HECTD4: variants seen among roughly 807,000 people sequenced by gnomAD.
HECTD4 encodes probable E3 ubiquitin-protein ligase HECTD4.
Under a neutral mutation model 471.5 loss-of-function variants are expected in HECTD4, and 114 were observed. The ratio of observed to expected loss-of-function variants is 0.24; its 90% CI spans 0.21 to 0.28. The LOEUF (loss-of-function observed/expected upper bound fraction) is 0.28. HECTD4 is among the 10% of genes least tolerant of loss of function. HECTD4 has a pLI of 1.00. For missense variants in HECTD4, 3,866 were observed against 5,651.5 expected, an observed-to-expected ratio of 0.68 and a Z score of 10.13; for synonymous variants, 2,012 against 2,256.0, an observed-to-expected ratio of 0.89 and a Z score of 3.07.
chr12:112,172,514 G>A lies in HECTD4; in HGVS notation c.11785+157C>T, dbSNP rs561232184. Among the ~76,000 whole-genome samples the A allele has an allele frequency of 7.9e-5, 12 of 152,326 alleles. No homozygotes were observed. The South Asian group carries it at 1.9e-3, about 24-fold the overall frequency. On this transcript the variant is annotated intron_variant, in intron 67 of 75. Transcript: ENST00000682272. ...CTCCCTGCCTTGCCCTCCCTGTTTC[G>A]TCAGCCCACTCTTCCTTGCACACCT...
rs908635909 is a variant in HECTD4, at chr12:112,188,038, G to A, written c.9473-2545C>T. Among the ~76,000 whole-genome samples, 18 of 151,966 alleles carry A rather than the reference G, an allele frequency of 1.2e-4. No homozygotes were observed. The highest frequency in any genetic ancestry group is 4.1e-4 in the African/African-American group (17 of 41,390). ...TCAGTGGTTCATGCCTGTAATCCCAGTACTATGGGAGGCCAAGGCAGGTGG... is the reference window on the plus strand; with the variant it reads ...TCAGTGGTTCATGCCTGTAATCCCAATACTATGGGAGGCCAAGGCAGGTGG... On this transcript the variant is annotated intron_variant, in intron 60 of 75. Coordinates refer to ENST00000682272, the MANE Select transcript of HECTD4 (RefSeq NM_001388303.1). The surrounding 1 kb of genome is among the most constrained non-coding windows in gnomAD (Gnocchi z 4.2).
chr12:112,236,289 A>G (rs1566082702), intron 35 of HECTD4, among the ~76,000 whole-genome samples: 2 of 152,230 alleles, frequency 1.3e-5, no homozygotes, highest in African/African-American at 4.8e-5. Context: ...ATTCTATAAT[A>G]AATGATTGCT....
At chr12:112,208,798 A>G (rs2032670194) in intron 50 of HECTD4, among the ~76,000 whole-genome samples, 168 bp from the exon 51 acceptor site, 1 of 151,684 alleles carries the variant, frequency 6.6e-6, no homozygotes, top group South Asian at 2.1e-4. Context: ...ATTATCTATA[A>G]TTACCCTGAA....
At chr12:112,254,257 A>G in intron 21 of HECTD4, 95 bp from the exon 22 acceptor site, 3 of 1,451,440 alleles carry the variant, frequency 2.1e-6, no homozygotes, top group Non-Finnish European at 1.9e-6. Context: ...TTAAAATACA[A>G]TTATAACCAG....
In HECTD4 at chr12:112,228,598, A is replaced by G. The variant is rs1467349596; in HGVS notation, c.6684+49T>C. On this transcript the variant is annotated intron_variant, in intron 42 of 75. Transcript: ENST00000682272. The surrounding 1 kb of genome is among the most constrained non-coding windows in gnomAD (Gnocchi z 4.9). ...AGCATGTGCATAGACTCATTACAGT[A>G]CAGTTACCATTGGCAGACATTTTAC... 6.6e-7 allele frequency: 1 copy of G among 1,522,792 alleles called. No individual in the cohort carries two copies. Among genetic ancestry groups the G allele is most frequent in the East Asian group, 2.3e-5 (1 of 44,390 alleles). The allele number at this position is 1,522,792 out of a possible 1,614,324, so 94.3% of individuals were successfully genotyped here.
Position 112,164,245 on chromosome 12 carries a change from A to T in HECTD4, c.12565T>A (p.Cys4189Ser), listed in dbSNP as rs1254610078. 6.2e-7 allele frequency: 1 copy of T among 1,613,538 alleles called. No individual in the cohort carries two copies. Among genetic ancestry groups the T allele is most frequent in the Non-Finnish European group, 8.5e-7 (1 of 1,179,802 alleles). Residue 4189 changes from cysteine (C) to serine (S), a missense_variant, in exon 73 of 76, where the codon TGC becomes AGC. Physicochemically the swap from Cys to Ser is moderately radical, Grantham distance 112 (BLOSUM62 -1). Coordinates refer to ENST00000682272, the MANE Select transcript of HECTD4 (RefSeq NM_001388303.1). ...AGGTGCTGGGAGGCGATCTCAGCGC[A>T]CAGGGCCTCCAGCTCGGTCTCATCA... ...INDETELEAL[C>S]AEIASQHLAT...
At chr12:112,279,729 TTG>T (rs2135635968) in intron 8 of HECTD4, among the ~76,000 whole-genome samples, 1 of 152,316 alleles carries the variant, frequency 6.6e-6, no homozygotes, top group East Asian at 1.9e-4. Flanking sequence ...TAGTATTTGT[TTG>T]TGTTTCCCCT....
chr12:112,319,429 A>T lies in HECTD4; in HGVS notation c.491T>A (p.Leu164His). ...TAGCACCTCAGCAGTTATGTTACAG[A>T]GAGAGGGGTCTGTTCTACTCTGGGA... is the stretch of plus-strand genomic sequence containing the variant. ...IQSQSRTDPS[L>H]CNITAEVLLN... The change falls in exon 2 of 76, where the codon CTC becomes CAC. Residue 164 changes from leucine to histidine, a missense_variant. By Grantham distance (99) the Leu-to-His change is moderately conservative. Around this residue, in one of 16 missense-constraint regions of HECTD4, gnomAD observed 440 missense variants for 636.0 expected, o/e 0.69. Coordinates refer to ENST00000682272, the MANE Select transcript of HECTD4 (RefSeq NM_001388303.1). The surrounding 1 kb of genome is among the most constrained non-coding windows in gnomAD (Gnocchi z 5.3). The T allele has an allele frequency of 6.5e-7, 1 of 1,536,086 alleles. No homozygotes were observed. The highest frequency in any genetic ancestry group is 8.7e-7 in the Non-Finnish European group (1 of 1,146,870).
intron 62 of HECTD4, among the ~76,000 whole-genome samples, chr12:112,181,159 C>T (rs1164955413): frequency 6.8e-6 from 1 of 147,742 alleles, no homozygotes; most frequent in African/African-American, 2.5e-5. Context: ...CAGAGTGAGA[C>T]TCCATCTCAA....
At chr12:112,266,017 G>A (rs1219962278) in intron 14 of HECTD4, 34 bp from the exon 15 acceptor site, 1 of 1,432,904 alleles carries the variant, frequency 7.0e-7, no homozygotes, top group Non-Finnish European at 9.8e-7. Context: ...AACTACCCTG[G>A]TAATGACTCC....
rs1038333734 is a variant in HECTD4, at chr12:112,283,423, G to A, written c.1336-121C>T. 3 of 700,908 alleles carry A rather than the reference G, an allele frequency of 4.3e-6. No homozygotes were observed. In the Admixed American group the frequency reaches 8.9e-5, roughly 21 times the overall value. The allele number at this position is 700,908 out of a possible 1,614,324, so 43.4% of individuals were successfully genotyped here. A position where few individuals can be genotyped will look rare whatever the true frequency, so the allele number is the denominator to read the frequency against. The stretch of plus-strand genomic sequence containing the variant: ...TTTCAAAAACTGCTCCTGAGTAGAT[G>A]TATACCTTAAAACTTAAATGTGCTA... On this transcript the variant is annotated intron_variant, in intron 7 of 75. Coordinates refer to ENST00000682272, the MANE Select transcript of HECTD4 (RefSeq NM_001388303.1).
chr12:112,294,969 A>C (rs1216355401), intron 7 of HECTD4, among the ~76,000 whole-genome samples: 1 of 152,128 alleles, frequency 6.6e-6, no homozygotes, highest in Admixed American at 6.6e-5. Flanking sequence ...TAATTCATTC[A>C]TTTAGCAAAT....
intron 55 of HECTD4, among the ~76,000 whole-genome samples, chr12:112,196,775 A>G (rs1340074056): frequency 6.6e-6 from 1 of 151,912 alleles, no homozygotes; most frequent in African/African-American, 2.4e-5. Context: ...TTATTTTTGT[A>G]GAGACACGGT....
intron 1 of HECTD4, among the ~76,000 whole-genome samples, chr12:112,378,161 T>G (rs2036818376): frequency 6.6e-6 from 1 of 152,162 alleles, no homozygotes; most frequent in African/African-American, 2.4e-5. Flanking sequence ...TCAGAGAACT[T>G]CTTTCTAAAA....
chr12:112,238,771 G>C (rs2033574462), intron 34 of HECTD4, among the ~76,000 whole-genome samples: 1 of 152,020 alleles, frequency 6.6e-6, no homozygotes, highest in Non-Finnish European at 1.5e-5. Context: ...GAAACTACTA[G>C]CAGTATTGAC....
rs193012888 is a variant in HECTD4 at position 112,304,225 on chromosome 12, G to A, written c.1335+1839C>T. On this transcript the variant is annotated intron_variant, in intron 7 of 75. Coordinates refer to ENST00000682272, the MANE Select transcript of HECTD4 (RefSeq NM_001388303.1). ...TTCTTCAATGTTCCCATTATTCTTA[G>A]GCTAAAGACCTAATTTTTTTTTTTT... Among the ~76,000 whole-genome samples, 6 of 148,722 alleles carry A rather than the reference G, an allele frequency of 4.0e-5. No homozygotes were observed. In the East Asian group the frequency reaches 1.3e-3, roughly 32 times the overall value.
At position 112,319,398 on chromosome 12, in the gene HECTD4, G is replaced by C. The variant is rs2035543847; in HGVS notation, c.522C>G (p.Asn174Lys). The change falls in exon 2 of 76, where the codon AAC becomes AAG. Residue 174 changes from asparagine (N) to lysine (K), a missense_variant. Physicochemically the swap from Asn to Lys is moderately conservative, Grantham distance 94. This residue lies in a region of HECTD4 where 440 missense variants were observed against 636.0 expected (regional missense o/e 0.69). Transcript: ENST00000682272. This position sits in a 1 kb window ranked among gnomAD's most constrained non-coding sequence, Gnocchi z 5.3. Reference sequence around the variant, plus strand: ...TCAAAGGCTGGCAGTCACGAAGGCAGTTCAATAGCACCTCAGCAGTTATGT... The same window carrying C: ...TCAAAGGCTGGCAGTCACGAAGGCACTTCAATAGCACCTCAGCAGTTATGT... ...LCNITAEVLL[N>K]CLRDCQPLSL... The C allele has an allele frequency of 6.5e-7, 1 of 1,536,142 alleles. No individual in the cohort carries two copies. The highest frequency in any genetic ancestry group is 8.7e-7 in the Non-Finnish European group (1 of 1,146,904).
At chr12:112,189,278 C>T (rs1025125499) in intron 60 of HECTD4, among the ~76,000 whole-genome samples, 1 of 152,044 alleles carries the variant, frequency 6.6e-6, no homozygotes, top group African/African-American at 2.4e-5. Flanking sequence ...CCAGGCCGGG[C>T]GCAGTGGCTG....
At chr12:112,207,468 CAG>C (rs1483987729) in intron 52 of HECTD4, among the ~76,000 whole-genome samples, 8 of 152,190 alleles carry the variant, frequency 5.3e-5, no homozygotes, top group African/African-American at 1.9e-4. Flanking sequence ...AAGCAGGAAT[CAG>C]GGAACAGTGA....
Sources: gnomAD v4.1 joint callset for allele counts (sites outside exome capture counted in the v4.1 genomes callset) on GRCh38, gnomAD v4.1.1 for gene constraint, gnomAD v4.1.1 regional missense constraint, Gnocchi (gnomAD v3.1) non-coding constraint, MANE v1.5 for transcripts, NCBI Gene and HGNC (gene_info 2026-07-23, HGNC 2026-07-21) for gene names.